OPRM1: variants seen among roughly 807,000 people sequenced by gnomAD.
OPRM1 encodes the protein mu-type opioid receptor.
In OPRM1, 27 loss-of-function variants were observed where a neutral mutation model predicts 31.8. The ratio of observed to expected loss-of-function variants is 0.85; its 90% confidence interval spans 0.63 to 1.17. The LOEUF is 1.17. Ranked by LOEUF, OPRM1 falls within the 50% of genes most tolerant of loss-of-function variation. The pLI is 0.00. For synonymous variants in OPRM1, 196 were observed against 189.9 expected (o/e 1.03, Z -0.26); for missense variants, 536 against 511.1 (o/e 1.05, Z -0.47).
At chr6:154,098,901 C>G (rs1793861153) in intron 3 of OPRM1, among the ~76,000 whole-genome samples, 1 of 152,156 alleles carries the variant, frequency 6.6e-6, no homozygotes, top group Non-Finnish European at 1.5e-5. Flanking sequence ...CATCAGTCCT[C>G]TCCCTTCACA....
intron 3 of OPRM1, among the ~76,000 whole-genome samples, chr6:154,149,360 C>T (rs1054433793): frequency 5.9e-5 from 9 of 152,030 alleles, no homozygotes; most frequent in African/African-American, 2.2e-4. Flanking sequence ...GTAACTGTCC[C>T]CATGATTCAA....
Position 154,230,584 on chromosome 6 carries a change from G to A in OPRM1, c.1165-16109G>A, listed in dbSNP as rs183966884. ...GCTGACCAGGAGAAATGAGAGTGACGTGTATTCCCGAGTCTAAATAGGTCA... is the reference window on the plus strand; with the variant it reads ...GCTGACCAGGAGAAATGAGAGTGACATGTATTCCCGAGTCTAAATAGGTCA... On this transcript the variant is annotated intron_variant, in intron 3 of 3. Transcript: ENST00000337049. Among the ~76,000 whole-genome samples, 335 of 152,268 alleles carry A rather than the reference G, an allele frequency of 2.2e-3. 2 individuals are homozygous for A. The highest frequency in any genetic ancestry group is 3.6e-3 in the Non-Finnish European group (244 of 68,022).
At chr6:154,030,714 A>G (rs1257097851) in intron 1 of OPRM1, among the ~76,000 whole-genome samples, 2 of 152,168 alleles carry the variant, frequency 1.3e-5, no homozygotes, top group Non-Finnish European at 2.9e-5. Context: ...GCATGGTGAA[A>G]CCCCATCTCT....
intron 1 of OPRM1, among the ~76,000 whole-genome samples, chr6:154,015,301 G>A (rs373161171): frequency 1.3e-5 from 2 of 152,074 alleles, no homozygotes; most frequent in Admixed American, 6.6e-5. Flanking sequence ...AAGACAGAGA[G>A]ACTAATGGCA....
At chr6:154,138,208 G>T (rs1003296677) in intron 3 of OPRM1, among the ~76,000 whole-genome samples, 5 of 151,678 alleles carry the variant, frequency 3.3e-5, no homozygotes, top group African/African-American at 1.2e-4. Flanking sequence ...CATAATTGAC[G>T]TGAGGATTAA....
intron 1 of OPRM1, chr6:154,087,389 G>A (rs192622800): frequency 1.0e-6 from 1 of 985,458 alleles, no homozygotes; most frequent in Non-Finnish European, 1.2e-6. Flanking sequence ...TCAACCTCGT[G>A]TGACGGAAAA....
chr6:154,178,034 C>T (rs955248894), intron 3 of OPRM1, among the ~76,000 whole-genome samples: 1 of 149,216 alleles, frequency 6.7e-6, no homozygotes, highest in Admixed American at 6.9e-5. Context: ...CAAAATATCA[C>T]AAGGACAGAA....
At chr6:154,047,189 C>T (rs182741636) in intron 1 of OPRM1, among the ~76,000 whole-genome samples, 21 of 150,358 alleles carry the variant, frequency 1.4e-4, no homozygotes, top group African/African-American at 5.2e-4. Context: ...CACCCCCACC[C>T]CACAGAAGCC....
intron 1 of OPRM1, among the ~76,000 whole-genome samples, chr6:154,012,268 A>G (rs1328136381): frequency 1.3e-5 from 2 of 152,214 alleles, no homozygotes; most frequent in African/African-American, 2.4e-5. Flanking sequence ...AATCACTGTT[A>G]TAATAGAAAC....
chr6:154,066,949 T>C (rs1370552324), intron 1 of OPRM1, among the ~76,000 whole-genome samples: 2 of 152,208 alleles, frequency 1.3e-5, no homozygotes, highest in East Asian at 3.8e-4. Flanking sequence ...TTATCCAATT[T>C]GTTGGCATAT....
intron 3 of OPRM1, among the ~76,000 whole-genome samples, chr6:154,113,581 G>A (rs17174892): frequency 0.011 from 1,617 of 152,292 alleles, 25 homozygotes; most frequent in African/African-American, 0.038. Context: ...GGCACTCAGT[G>A]TCAGGAGAAG....
chr6:154,113,201 C>T (rs759462907), intron 3 of OPRM1, among the ~76,000 whole-genome samples: 12 of 152,176 alleles, frequency 7.9e-5, no homozygotes, highest in Non-Finnish European at 1.2e-4. Flanking sequence ...GCTAGGGTAG[C>T]TAAACTTAAG....
At chr6:154,060,379 T>G (rs896361944) in intron 1 of OPRM1, among the ~76,000 whole-genome samples, 1 of 152,146 alleles carries the variant, frequency 6.6e-6, no homozygotes, top group Non-Finnish European at 1.5e-5. Flanking sequence ...TAGTGGAAAC[T>G]CCCACATTTT....
rs1583581538 is a variant in OPRM1, at chr6:154,108,117, C to T, written c.1165-10566C>T. The T allele has an allele frequency of 3.3e-5, 20 of 597,258 alleles. No individual in the cohort carries two copies. The East Asian group carries it at 5.0e-4, about 15-fold the overall frequency. 37.0% of individuals were successfully genotyped at this position (597,258 alleles called of 1,614,324 possible). ...TCCCTGAGCGGCCCTAGTGATCCGG[C>T]TTGCGGCACCATCGCCTACGGGCCA... On this transcript the variant is annotated intron_variant, in intron 3 of 3. Coordinates refer to ENST00000330432, the MANE Select transcript of OPRM1 (RefSeq NM_000914.5).
At chr6:154,199,185 TTC>T (rs1185667644) in intron 3 of OPRM1, among the ~76,000 whole-genome samples, 24 of 152,370 alleles carry the variant, frequency 1.6e-4, no homozygotes. Context: ...ATTGTCTGTC[TTC>T]CCATCAACCA....
At chr6:154,061,110 A>G (rs1393716328) in intron 1 of OPRM1, among the ~76,000 whole-genome samples, 1 of 152,200 alleles carries the variant, frequency 6.6e-6, no homozygotes, top group East Asian at 1.9e-4. Flanking sequence ...CTTGATTTAT[A>G]TTAGTTTCTG....
chr6:154,054,689 T>G (rs1782885406), intron 1 of OPRM1, among the ~76,000 whole-genome samples: 1 of 152,224 alleles, frequency 6.6e-6, no homozygotes, highest in Non-Finnish European at 1.5e-5. Flanking sequence ...TTCTCTAAAT[T>G]TGACCAATCA....
Position 154,222,540 on chromosome 6 carries a change from G to A in OPRM1, c.1165-24153G>A, listed in dbSNP as rs550866232. Among the ~76,000 whole-genome samples the A allele has an allele frequency of 2.0e-5, 3 of 152,308 alleles. No homozygotes were observed. In the South Asian group the frequency reaches 6.2e-4, roughly 32 times the overall value. ...GACTGCTATCATGGGAGGAGCACTT[G>A]AATGAGAGTCTATAGATACCTGGGT... is the stretch of plus-strand genomic sequence containing the variant. On this transcript the variant is annotated intron_variant, in intron 3 of 3. Coordinates refer to the OPRM1 transcript ENST00000337049.
intron 3 of OPRM1, among the ~76,000 whole-genome samples, chr6:154,109,780 C>G (rs1796116921): frequency 8.6e-6 from 1 of 116,300 alleles, no homozygotes; most frequent in African/African-American, 3.0e-5. Flanking sequence ...CTCTCTCTCT[C>G]TCTCTCTCTC....
Sources: gnomAD v4.1 joint callset for allele counts (sites outside exome capture counted in the v4.1 genomes callset) on GRCh38, gnomAD v4.1.1 for gene constraint, MANE v1.5 for transcripts, NCBI Gene and HGNC (gene_info 2026-07-23, HGNC 2026-07-21) for gene names.